The following TRPC6 variants were observed in gnomAD, a reference collection of about 807,000 sequenced individuals.
TRPC6 encodes transient receptor potential cation channel subfamily C member 6.
Under a neutral mutation model 90.7 loss-of-function variants are expected in TRPC6, and 55 were observed. The observed-to-expected ratio is 0.61, with a 90% confidence interval of 0.49 to 0.76. TRPC6 has a LOEUF of 0.76. Ranked by LOEUF, TRPC6 falls within the 30% of genes least tolerant of loss-of-function variation. The pLI is 0.00. For synonymous variants in TRPC6, 393 were observed against 393.0 expected, an observed-to-expected ratio of 1.00 and a Z score of 0.00; for missense variants, 989 against 1,122.7, an observed-to-expected ratio of 0.88 and a Z score of 1.70.
At position 101,491,522 on chromosome 11, in the gene TRPC6, A is replaced by C. The variant is rs1367994323; in HGVS notation, c.1128+34T>G. 12 of 1,612,554 alleles carry C rather than the reference A, an allele frequency of 7.4e-6. No individual in the cohort carries two copies. The East Asian group carries it at 2.7e-4, about 36-fold the overall frequency. On this transcript the variant is annotated intron_variant, in intron 3 of 12. Transcript: ENST00000344327. The stretch of plus-strand genomic sequence containing the variant: ...CCTTATTTAGCACCAACAAGAACCA[A>C]AATAATGTAAACGGGCTTCACGCCT...
chr11:101,510,178 G>A (rs1334368840), intron 1 of TRPC6, among the ~76,000 whole-genome samples: 1 of 152,070 alleles, frequency 6.6e-6, no homozygotes, highest in African/African-American at 2.4e-5. Context: ...CACAAGTGGT[G>A]TTGCTTACTC....
At chr11:101,523,543 T>C (rs545688152) in intron 1 of TRPC6, among the ~76,000 whole-genome samples, 37 of 152,362 alleles carry the variant, frequency 2.4e-4, no homozygotes, top group Non-Finnish European at 4.6e-4. Flanking sequence ...AAATAAAATA[T>C]AGATTACACT....
intron 3 of TRPC6, among the ~76,000 whole-genome samples, chr11:101,490,132 C>G (rs899027160): frequency 3.3e-5 from 5 of 152,070 alleles, no homozygotes; most frequent in African/African-American, 9.7e-5. Context: ...GCTATATCAA[C>G]AAATATGTTT....
rs368012446 is a variant in TRPC6 at position 101,476,336 on chromosome 11, A to G, written c.1709T>C (p.Val570Ala). The G allele has an allele frequency of 2.5e-6, 4 of 1,614,014 alleles. No individual in the cohort carries two copies. Among genetic ancestry groups the G allele is most frequent in the Non-Finnish European group, 3.4e-6 (4 of 1,180,002 alleles). The part of the protein sequence containing the change: ...ANDTLKDLTK[V>A]TLGDNVKYYN... ...GTATTTCACATTGTCTCCCAATGTT[A>G]CTTTCGTCAAGTCCTTCAAAGTATC... Residue 570 changes from valine (V) to alanine (A), a missense_variant, in exon 6 of 13, where the codon GTA becomes GCA. Val to Ala is a moderately conservative substitution (Grantham distance 64). Around this residue, in one of 4 missense-constraint regions of TRPC6, gnomAD observed 486 missense variants for 591.9 expected, o/e 0.82. Transcript: ENST00000344327.
At chr11:101,502,964 T>C (rs368910960) in intron 2 of TRPC6, among the ~76,000 whole-genome samples, 1 of 151,742 alleles carries the variant, frequency 6.6e-6, no homozygotes, top group Non-Finnish European at 1.5e-5. Context: ...TCTCTCAGCA[T>C]ATAGAAAAAA....
chr11:101,553,262 T>C (rs1441665741), intron 1 of TRPC6, among the ~76,000 whole-genome samples: 1 of 152,154 alleles, frequency 6.6e-6, no homozygotes, highest in African/African-American at 2.4e-5. Flanking sequence ...AATGCTGTTC[T>C]AAGCTAACTC....
At chr11:101,512,753 G>A (rs1860423308) in intron 1 of TRPC6, among the ~76,000 whole-genome samples, 2 of 151,946 alleles carry the variant, frequency 1.3e-5, no homozygotes, top group Non-Finnish European at 1.5e-5. Context: ...AGTACTCTTG[G>A]GAATATTAAA....
At chr11:101,503,299 A>C (rs1374668116) in intron 2 of TRPC6, among the ~76,000 whole-genome samples, 1 of 152,110 alleles carries the variant, frequency 6.6e-6, no homozygotes, top group Non-Finnish European at 1.5e-5. Flanking sequence ...CTAATTTCCT[A>C]CTATTTCATA....
chr11:101,549,893 C>T (rs1861413393), intron 1 of TRPC6, among the ~76,000 whole-genome samples: 1 of 150,996 alleles, frequency 6.6e-6, no homozygotes. Context: ...CAAATAAGTG[C>T]AAATTAAAAA....
intron 1 of TRPC6, among the ~76,000 whole-genome samples, chr11:101,523,705 G>C (rs901039074): frequency 2.0e-5 from 3 of 152,098 alleles, no homozygotes; most frequent in African/African-American, 7.2e-5. Flanking sequence ...AATTGAAAAA[G>C]ACTAAACCAT....
chr11:101,521,272 C>T (rs1167002484), intron 1 of TRPC6, among the ~76,000 whole-genome samples: 1 of 152,178 alleles, frequency 6.6e-6, no homozygotes, highest in Non-Finnish European at 1.5e-5. Context: ...TGTTTCCCAG[C>T]CACTCCAGCT....
rs148670273 is a variant in TRPC6, at chr11:101,539,036, A to C, written c.171-34238T>G. On this transcript the variant is annotated intron_variant, in intron 1 of 12. Coordinates refer to ENST00000344327, the MANE Select transcript of TRPC6 (RefSeq NM_004621.6). ...AGGCCCACCCAGACTGCTAACCTGC[A>C]GAACCGTGAGAAATACACGTATGTT... Among the ~76,000 whole-genome samples, 708 of 152,344 alleles carry C rather than the reference A, an allele frequency of 4.6e-3. 6 individuals carry two copies. Among genetic ancestry groups the C allele is most frequent in the African/African-American group, 0.016 (677 of 41,578 alleles).
intron 4 of TRPC6, among the ~76,000 whole-genome samples, chr11:101,484,575 A>ATCTC (rs10627556): frequency 1.4e-5 from 2 of 146,274 alleles, no homozygotes; most frequent in African/African-American, 2.5e-5. Context: ...ATTGTATTGT[A>ATCTC]TCTCTCTCTC....
At chr11:101,519,319 C>CTAG (rs1860597404) in intron 1 of TRPC6, among the ~76,000 whole-genome samples, 1 of 40,032 alleles carries the variant, frequency 2.5e-5, no homozygotes, top group African/African-American at 1.2e-4. Flanking sequence ...ATATATACAC[C>CTAG]TATGTACCCA....
At chr11:101,465,837 G>C (rs1324414756) in intron 10 of TRPC6, among the ~76,000 whole-genome samples, 1 of 152,104 alleles carries the variant, frequency 6.6e-6, no homozygotes, top group Non-Finnish European at 1.5e-5. Flanking sequence ...CCTTGGTGGT[G>C]GGGAGTTGTG....
chr11:101,564,666 T>A (rs1036357444), intron 1 of TRPC6, among the ~76,000 whole-genome samples: 5 of 152,000 alleles, frequency 3.3e-5, no homozygotes, highest in Admixed American at 3.3e-4. Flanking sequence ...ATAATAGAGA[T>A]TCAAAACAAT....
At chr11:101,495,752 A>G (rs1006750037) in intron 2 of TRPC6, among the ~76,000 whole-genome samples, 9 of 152,040 alleles carry the variant, frequency 5.9e-5, no homozygotes, top group Non-Finnish European at 2.9e-5. Flanking sequence ...AGGTGTTGGA[A>G]ATAAAACAAT....
In TRPC6 at chr11:101,471,274, AGGGACTTTGGACTC is replaced by A; in HGVS notation, c.2304_2317del (p.Ser769ValfsTer8). On this transcript the variant is annotated frameshift_variant, in exon 9 of 13. Coordinates refer to ENST00000344327, the MANE Select transcript of TRPC6 (RefSeq NM_004621.6). LOFTEE classifies it high-confidence loss of function. Reference sequence around the variant, plus strand: ...TTTAAGCTTCAGTAAGAGATAAAACAGGGACTTTGGACTCGGCACCAGATTGAAGGGTACAGGAA... The same window carrying A: ...TTTAAGCTTCAGTAAGAGATAAAACAGGCACCAGATTGAAGGGTACAGGAA... The A allele has an allele frequency of 6.2e-7, 1 of 1,614,028 alleles. No homozygotes were observed. Among genetic ancestry groups the A allele is most frequent in the Non-Finnish European group, 8.5e-7 (1 of 1,179,902 alleles).
intron 2 of TRPC6, 121 bp from the exon 3 acceptor site, chr11:101,491,859 G>A: frequency 2.0e-6 from 1 of 496,436 alleles, no homozygotes; most frequent in Non-Finnish European, 2.9e-6. Flanking sequence ...TTTTTTTTTT[G>A]AGACGGAGCC....
Sources: allele counts gnomAD v4.1 joint callset (sites outside exome capture counted in the v4.1 genomes callset), GRCh38; gene constraint gnomAD v4.1.1; regional missense constraint gnomAD v4.1.1; transcripts MANE v1.5; gene names NCBI Gene and HGNC (gene_info 2026-07-23, HGNC 2026-07-21).